Variants in KHDRBS2 observed in about 807,000 individuals in gnomAD.
KHDRBS2 encodes KH RNA binding domain containing, signal transduction associated 2.
In KHDRBS2, 26 loss-of-function variants were observed where a neutral mutation model predicts 44.3. That is an observed-to-expected ratio of 0.59 (90% confidence interval 0.43 to 0.81). KHDRBS2 has a LOEUF of 0.81. Ranked by LOEUF, KHDRBS2 falls within the 40% of genes least tolerant of loss-of-function variation. KHDRBS2 has a pLI of 0.00. For synonymous variants in KHDRBS2, 194 were observed against 151.1 expected (o/e 1.28, Z -2.08); for missense variants, 476 against 433.1 (o/e 1.10, Z -0.88).
At chr6:61,763,027 A>G (rs778742811) in intron 6 of KHDRBS2, among the ~76,000 whole-genome samples, 1 of 151,956 alleles carries the variant, frequency 6.6e-6, no homozygotes, top group South Asian at 2.1e-4. Flanking sequence ...TTTGGGATCT[A>G]TTCTGTCTAT....
At chr6:62,195,269 A>T (rs1185063724) in intron 1 of KHDRBS2, among the ~76,000 whole-genome samples, 2 of 152,184 alleles carry the variant, frequency 1.3e-5, no homozygotes, top group South Asian at 2.1e-4. Context: ...ATGCGTTTGC[A>T]TCCTGCAACC....
intron 6 of KHDRBS2, among the ~76,000 whole-genome samples, chr6:61,804,460 T>G (rs1786804609): frequency 6.6e-6 from 1 of 152,136 alleles, no homozygotes; most frequent in Admixed American, 6.6e-5. Context: ...TCTGGGGTCC[T>G]GAGGACAGTC....
intron 1 of KHDRBS2, among the ~76,000 whole-genome samples, chr6:62,253,913 G>A (rs888867406): frequency 5.3e-5 from 8 of 151,888 alleles, no homozygotes; most frequent in Admixed American, 3.3e-4. Flanking sequence ...TAGCCCTGAG[G>A]ACTGGATGTC....
intron 1 of KHDRBS2, among the ~76,000 whole-genome samples, chr6:62,199,414 A>ATG (rs1826428304): frequency 6.6e-6 from 1 of 152,218 alleles, no homozygotes; most frequent in Non-Finnish European, 1.5e-5. Flanking sequence ...ATCAATGTGC[A>ATG]AAAATCACAA....
chr6:61,558,513 G>T, the KHDRBS2 span, among the ~76,000 whole-genome samples: 1 of 152,128 alleles, frequency 6.6e-6, no homozygotes, highest in African/African-American at 2.4e-5. Flanking sequence ...AGTGAGCCAC[G>T]ATTATACCAT....
At chr6:61,835,448 T>A (rs1197368911) in intron 6 of KHDRBS2, among the ~76,000 whole-genome samples, 1 of 152,034 alleles carries the variant, frequency 6.6e-6, no homozygotes, top group Non-Finnish European at 1.5e-5. Flanking sequence ...TCTTCCATAG[T>A]ACAGAGATAT....
At chr6:62,229,094 A>C (rs1456821423) in intron 1 of KHDRBS2, among the ~76,000 whole-genome samples, 1 of 152,094 alleles carries the variant, frequency 6.6e-6, no homozygotes, top group Non-Finnish European at 1.5e-5. Flanking sequence ...AATTCCTCAG[A>C]ATTAGCAGGA....
chr6:61,790,988 T>C (rs1156764698), intron 6 of KHDRBS2, among the ~76,000 whole-genome samples: 1 of 151,484 alleles, frequency 6.6e-6, no homozygotes, highest in East Asian at 1.9e-4. Context: ...TTAGCCAATT[T>C]TGTCATGTTA....
intron 2 of KHDRBS2, among the ~76,000 whole-genome samples, chr6:62,095,363 C>A (rs1309964835): frequency 1.3e-5 from 2 of 151,684 alleles, no homozygotes; most frequent in Non-Finnish European, 3.0e-5. Context: ...ATGGAGCCGT[C>A]CTATGCAGGT....
At position 61,960,144 on chromosome 6, in the gene KHDRBS2, T is replaced by A. The variant is rs1442497957; in HGVS notation, c.483+17922A>T. Among the ~76,000 whole-genome samples the A allele has an allele frequency of 3.3e-5, 5 of 152,088 alleles. No individual in the cohort carries two copies. In the East Asian group the frequency reaches 9.7e-4, roughly 29 times the overall value. On this transcript the variant is annotated intron_variant, in intron 4 of 8. Coordinates refer to ENST00000281156, the MANE Select transcript of KHDRBS2 (RefSeq NM_152688.4). ...GTGATGATCCCCAGGGCTCAGAAAG[T>A]ACTCACCTTAAAACCCCCTATTAAT...
intron 6 of KHDRBS2, among the ~76,000 whole-genome samples, chr6:61,800,922 A>G (rs1325035180): frequency 1.3e-5 from 2 of 151,952 alleles, no homozygotes; most frequent in South Asian, 2.1e-4. Flanking sequence ...TCTAAATATT[A>G]TCAGTTCCTA....
intron 2 of KHDRBS2, among the ~76,000 whole-genome samples, chr6:62,171,596 C>A (rs1374073748): frequency 6.6e-6 from 1 of 152,004 alleles, no homozygotes; most frequent in East Asian, 1.9e-4. Flanking sequence ...CTGTAAGATA[C>A]TATAGAAGAT....
the KHDRBS2 span, among the ~76,000 whole-genome samples, chr6:61,545,096 A>C: frequency 1.3e-5 from 2 of 152,036 alleles, no homozygotes; most frequent in Non-Finnish European, 2.9e-5. Flanking sequence ...AAATTTTAAA[A>C]AAATTTGAGT....
chr6:62,023,859 A>G (rs2127282868), intron 3 of KHDRBS2, among the ~76,000 whole-genome samples: 1 of 151,242 alleles, frequency 6.6e-6, no homozygotes, highest in Non-Finnish European at 1.5e-5. Flanking sequence ...TGTAAAGTAT[A>G]AATATTGCTA....
rs543533346 is a variant in KHDRBS2 at position 61,680,446 on chromosome 6, A to G, written c.*517T>C. On this transcript the variant is annotated 3_prime_UTR_variant, in exon 9 of 9. Coordinates refer to ENST00000281156, the MANE Select transcript of KHDRBS2 (RefSeq NM_152688.4). ...TTCAACCCCATTAAAACAGCATTAA[A>G]ATTAAATTTACAAACTTAATATCAA... The G allele has an allele frequency of 6.2e-4, 95 of 152,362 alleles. No homozygotes were observed. The highest frequency in any genetic ancestry group is 3.5e-3 in the East Asian group (18 of 5,120). 9.4% of individuals were successfully genotyped at this position (152,362 alleles called of 1,614,324 possible). A position where few individuals can be genotyped will look rare whatever the true frequency, so the allele number is the denominator to read the frequency against.
chr6:62,251,181 A>G (rs1488653393), intron 1 of KHDRBS2, among the ~76,000 whole-genome samples: 1 of 151,756 alleles, frequency 6.6e-6, no homozygotes, highest in African/African-American at 2.4e-5. Context: ...CTTGAATATA[A>G]CTATAAGTTA....
rs1554236923 is a variant in KHDRBS2 at position 61,848,565 on chromosome 6, A to ATATATATACG, written c.810+46069_810+46070insCGTATATATA. Among the ~76,000 whole-genome samples, 60 of 49,434 alleles carry ATATATATACG rather than the reference A, an allele frequency of 1.2e-3. 2 individuals are homozygous for ATATATATACG. The highest frequency in any genetic ancestry group is 1.8e-3 in the South Asian group (2 of 1,096). The allele number at this position is 49,434 out of a possible 152,430, so 32.4% of individuals were successfully genotyped here. ...TGTATATATATACATATATATATGT[A>ATATATATACG]TATATATATACATATATATATATAT... On this transcript the variant is annotated intron_variant, in intron 6 of 8. Transcript: ENST00000281156.
intron 4 of KHDRBS2, among the ~76,000 whole-genome samples, chr6:61,902,520 C>CAT (rs1189671914): frequency 6.6e-6 from 1 of 151,870 alleles, no homozygotes; most frequent in Non-Finnish European, 1.5e-5. Flanking sequence ...CACACACACA[C>CAT]ACACACACTC....
At chr6:62,150,526 A>G (rs1001976806) in intron 2 of KHDRBS2, among the ~76,000 whole-genome samples, 22 of 152,202 alleles carry the variant, frequency 1.4e-4, no homozygotes, top group Admixed American at 7.9e-4. Context: ...ACAATATTTG[A>G]ATTCAGAGAA....
Sources: gnomAD v4.1 joint callset for allele counts (sites outside exome capture counted in the v4.1 genomes callset) on GRCh38, gnomAD v4.1.1 for gene constraint, MANE v1.5 for transcripts, NCBI Gene and HGNC (gene_info 2026-07-23, HGNC 2026-07-21) for gene names.